The following HDAC1 variants were observed in gnomAD, a reference collection of about 807,000 sequenced individuals.
HDAC1 encodes the protein histone deacetylase 1.
HDAC1 carries 18 observed loss-of-function variants against 65.5 expected under a neutral mutation model. That is an observed-to-expected ratio of 0.27 (90% CI 0.19 to 0.41). The LOEUF is 0.41. HDAC1 is among the 10% of genes least tolerant of loss of function. HDAC1 has a pLI of 1.00. For synonymous variants in HDAC1, 211 were observed against 227.9 expected (o/e 0.93, Z 0.67); for missense variants, 373 against 625.2 (o/e 0.60, Z 4.30).
chr1:32,314,905 T>C (rs1343272726), intron 2 of HDAC1, among the ~76,000 whole-genome samples: 2 of 152,132 alleles, frequency 1.3e-5, no homozygotes, highest in Non-Finnish European at 1.5e-5. Context: ...TTATTTAGAA[T>C]TTTAGTGATG....
intron 1 of HDAC1, among the ~76,000 whole-genome samples, chr1:32,299,551 T>C (rs1351557802): frequency 1.3e-5 from 2 of 152,258 alleles, no homozygotes; most frequent in Admixed American, 6.5e-5. Context: ...TGGCTGGATC[T>C]AGGCTTGATA....
chr1:32,294,509 CT>C (rs533642905), intron 1 of HDAC1, among the ~76,000 whole-genome samples: 454 of 125,524 alleles, frequency 3.6e-3, no homozygotes, highest in African/African-American at 8.1e-3. Context: ...CAGTTGATAA[CT>C]TTTTTTTTTT....
rs1317069600 is a variant in HDAC1, at chr1:32,330,392, A to G, written c.730-186A>G. ...AGAAGGGTCTTAGAGAACTTTTTAA[A>G]TTGGAAAATTGAAATCCCAAGTGGG... On this transcript the variant is annotated intron_variant, in intron 7 of 13. Transcript: ENST00000373548. This position sits in a 1 kb window ranked among gnomAD's most constrained non-coding sequence, Gnocchi z 4.2. 1 of 593,674 alleles carries G rather than the reference A, an allele frequency of 1.7e-6. No homozygotes were observed. The highest frequency in any genetic ancestry group is 2.9e-5 in the Admixed American group (1 of 33,944). 36.8% of individuals were successfully genotyped at this position (593,674 alleles called of 1,614,324 possible).
At chr1:32,300,691 A>G (rs7543692) in intron 1 of HDAC1, among the ~76,000 whole-genome samples, 7,394 of 152,294 alleles carry the variant, frequency 0.049, 579 homozygotes, top group African/African-American at 0.17. Flanking sequence ...AGCATCATCA[A>G]AGAAAGGAGG....
intron 2 of HDAC1, among the ~76,000 whole-genome samples, chr1:32,312,222 TGA>T (rs1162294001): frequency 4.6e-5 from 7 of 152,198 alleles, no homozygotes; most frequent in Admixed American, 4.6e-4. Context: ...GAGGATTAAA[TGA>T]GAGAGTCAAA....
intron 2 of HDAC1, among the ~76,000 whole-genome samples, chr1:32,313,645 G>A (rs533724597): frequency 9.2e-5 from 14 of 152,258 alleles, no homozygotes; most frequent in East Asian, 3.9e-4. Flanking sequence ...ACATCACTTC[G>A]CTCAGCATCA....
chr1:32,303,598 G>A (rs1557601308), intron 2 of HDAC1, among the ~76,000 whole-genome samples: 1 of 152,184 alleles, frequency 6.6e-6, no homozygotes, highest in African/African-American at 2.4e-5. Context: ...CAGGTGATTT[G>A]TCACTGATCT....
At chr1:32,299,618 G>A (rs899321938) in intron 1 of HDAC1, among the ~76,000 whole-genome samples, 5 of 152,162 alleles carry the variant, frequency 3.3e-5, no homozygotes, top group African/African-American at 1.2e-4. Context: ...GGTGCCTAGA[G>A]CTCTGCCTCA....
intron 2 of HDAC1, among the ~76,000 whole-genome samples, chr1:32,311,450 G>A (rs1418400728): frequency 1.3e-5 from 2 of 152,032 alleles, no homozygotes; most frequent in East Asian, 3.9e-4. Context: ...CTGGGTGACA[G>A]AGTGAGACTC....
chr1:32,330,989 G>A lies in HDAC1; in HGVS notation c.979+81G>A, dbSNP rs889028942. 4.3e-5 allele frequency: 60 copies of A among 1,390,654 alleles called. No individual in the cohort carries two copies. Among genetic ancestry groups the A allele is most frequent in the Admixed American group, 3.2e-4 (18 of 55,542 alleles). The allele number at this position is 1,390,654 out of a possible 1,614,324, so 86.1% of individuals were successfully genotyped here. ...TCCTTAAGTTTATAACCCCTTCCCC[G>A]TTGGTCATATGACCGCTCCTCTTCT... On this transcript the variant is annotated intron_variant, in intron 9 of 13. Coordinates refer to ENST00000373548, the MANE Select transcript of HDAC1 (RefSeq NM_004964.3). This position sits in a 1 kb window ranked among gnomAD's most constrained non-coding sequence, Gnocchi z 4.2.
chr1:32,306,647 T>G (rs1199932973), intron 2 of HDAC1, among the ~76,000 whole-genome samples: 1 of 152,136 alleles, frequency 6.6e-6, no homozygotes, highest in Non-Finnish European at 1.5e-5. Context: ...CCAAGGTCTA[T>G]GTAGATCTGA....
chr1:32,331,328 C>T lies in HDAC1; in HGVS notation c.980-146C>T, dbSNP rs1372375619. On this transcript the variant is annotated intron_variant, in intron 9 of 13. Transcript: ENST00000373548. The surrounding 1 kb of genome is among the most constrained non-coding windows in gnomAD (Gnocchi z 4.2). ...AAAAGATGGAAATCCCATAGGTACC[C>T]GTGTCTCACAGTGTCTTGGAGGCAT... 1.1e-5 allele frequency: 7 copies of T among 630,652 alleles called. No individual in the cohort carries two copies. The highest frequency in any genetic ancestry group is 1.1e-4 in the African/African-American group (6 of 54,238). The allele number at this position is 630,652 out of a possible 1,614,324, so 39.1% of individuals were successfully genotyped here. A position where few individuals can be genotyped will look rare whatever the true frequency, so the allele number is the denominator to read the frequency against.
At position 32,333,265 on chromosome 1, in the gene HDAC1, C is replaced by T. The variant is rs1278992804; in HGVS notation, c.*221C>T. 2 of 434,670 alleles carry T rather than the reference C, an allele frequency of 4.6e-6. No homozygotes were observed. The highest frequency in any genetic ancestry group is 4.1e-5 in the African/African-American group (2 of 49,324). The allele number at this position is 434,670 out of a possible 1,614,324, so 26.9% of individuals were successfully genotyped here. ...CATTCTTCCCGTTCTTAACTTTGAA[C>T]CATAAAGGGTGCCAGGTCTGGGTGA... On this transcript the variant is annotated 3_prime_UTR_variant, in exon 14 of 14. Transcript: ENST00000373548.
At chr1:32,324,121 A>G (rs1641184717) in intron 3 of HDAC1, among the ~76,000 whole-genome samples, 1 of 151,992 alleles carries the variant, frequency 6.6e-6, no homozygotes, top group African/African-American at 2.4e-5. Flanking sequence ...AAAAGAAAAA[A>G]AAATTAGCTG....
At chr1:32,300,156 G>C (rs1319202556) in intron 1 of HDAC1, among the ~76,000 whole-genome samples, 1 of 152,206 alleles carries the variant, frequency 6.6e-6, no homozygotes, top group Non-Finnish European at 1.5e-5. Flanking sequence ...GTGTGATCTT[G>C]AGCAGGCACT....
chr1:32,315,780 A>T (rs1001303901), intron 2 of HDAC1, among the ~76,000 whole-genome samples: 2 of 150,356 alleles, frequency 1.3e-5, no homozygotes, highest in African/African-American at 4.9e-5. Context: ...ATCCTGACCA[A>T]CATGGTAAAA....
At position 32,327,430 on chromosome 1, in the gene HDAC1, A is replaced by T; in HGVS notation, c.495-106A>T. On this transcript the variant is annotated intron_variant, in intron 5 of 13. Transcript: ENST00000373548. The surrounding 1 kb of genome is among the most constrained non-coding windows in gnomAD (Gnocchi z 6.0). ...GCCAGTTTCCACGTCTCTGGTGCTT[A>T]GAGATACCTGAGGGAGGCAGCCAGC... 1 of 851,678 alleles carries T rather than the reference A, an allele frequency of 1.2e-6. No homozygotes were observed. The highest frequency in any genetic ancestry group is 1.9e-6 in the Non-Finnish European group (1 of 513,084). The allele number at this position is 851,678 out of a possible 1,614,324, so 52.8% of individuals were successfully genotyped here.
chr1:32,309,590 G>A (rs1024657009), intron 2 of HDAC1, among the ~76,000 whole-genome samples: 1 of 151,704 alleles, frequency 6.6e-6, no homozygotes, highest in African/African-American at 2.4e-5. Context: ...AGGAGGCTGA[G>A]GCAGGAAAAT....
intron 1 of HDAC1, among the ~76,000 whole-genome samples, chr1:32,293,126 G>C (rs1640719973): frequency 6.6e-6 from 1 of 152,094 alleles, no homozygotes; most frequent in Non-Finnish European, 1.5e-5. Context: ...TTCGAGACCA[G>C]CCTGGCCAAC....
Sources: gnomAD v4.1 joint callset for allele counts (sites outside exome capture counted in the v4.1 genomes callset) on GRCh38, gnomAD v4.1.1 for gene constraint, Gnocchi (gnomAD v3.1) non-coding constraint, MANE v1.5 for transcripts, NCBI Gene and HGNC (gene_info 2026-07-23, HGNC 2026-07-21) for gene names.